NRXN1: variants seen among roughly 807,000 people sequenced by gnomAD.
NRXN1 encodes neurexin 1.
In NRXN1, 39 loss-of-function variants were observed where a neutral mutation model predicts 150.9. The observed-to-expected ratio is 0.26, with a 90% CI of 0.20 to 0.34. The LOEUF is 0.34. NRXN1 is among the 10% of genes least tolerant of loss of function. NRXN1 has a pLI of 1.00. For missense variants in NRXN1, 1,815 were observed against 1,949.9 expected (o/e 0.93, Z 1.30); for synonymous variants, 924 against 757.0 (o/e 1.22, Z -3.62).
chr2:50,095,236 A>G (rs1167126027), intron 18 of NRXN1, among the ~76,000 whole-genome samples: 1 of 152,322 alleles, frequency 6.6e-6, no homozygotes, highest in East Asian at 1.9e-4. Flanking sequence ...TTACTATCCA[A>G]GAGGGAGCAA....
chr2:50,897,281 CTG>C (rs1682127846), intron 5 of NRXN1, among the ~76,000 whole-genome samples: 1 of 152,196 alleles, frequency 6.6e-6, no homozygotes, highest in Non-Finnish European at 1.5e-5. Flanking sequence ...CGTACTGTGA[CTG>C]GCATAGAGAA....
chr2:50,533,238 T>G (rs1167569836), intron 10 of NRXN1, among the ~76,000 whole-genome samples: 1 of 152,082 alleles, frequency 6.6e-6, no homozygotes. Context: ...ATATGCTCAC[T>G]CCTCTAATAT....
chr2:50,760,765 G>C (rs1574383185), intron 5 of NRXN1, among the ~76,000 whole-genome samples: 1 of 151,872 alleles, frequency 6.6e-6, no homozygotes, highest in South Asian at 2.1e-4. Context: ...GGTGTGTCTT[G>C]ATGGGAACAT....
intron 5 of NRXN1, among the ~76,000 whole-genome samples, chr2:50,668,208 A>T (rs1029492181): frequency 5.9e-5 from 9 of 151,954 alleles, no homozygotes; most frequent in Admixed American, 3.3e-4. Context: ...ATTTTCACAG[A>T]TCATACACTA....
At chr2:50,612,956 T>C (rs1292291246) in intron 8 of NRXN1, among the ~76,000 whole-genome samples, 2 of 152,214 alleles carry the variant, frequency 1.3e-5, no homozygotes, top group Non-Finnish European at 2.9e-5. Flanking sequence ...GTACTGACAC[T>C]ATTACAGTAG....
chr2:50,635,831 G>C (rs745772697), intron 5 of NRXN1, among the ~76,000 whole-genome samples: 1 of 152,154 alleles, frequency 6.6e-6, no homozygotes, highest in Non-Finnish European at 1.5e-5. Flanking sequence ...AGTAAATGCT[G>C]AGGAAGGTTA....
At position 49,968,658 on chromosome 2, in the gene NRXN1, A is replaced by C. The variant is rs116682644; in HGVS notation, c.4129-24867T>G. On this transcript the variant is annotated intron_variant, in intron 21 of 22. Transcript: ENST00000401669. The stretch of plus-strand genomic sequence containing the variant: ...CGTGACTGGATAACTAGTGCTGCTC[A>C]AACACAGGAAACATACAGCGAAATA... 3.9e-3 allele frequency among the ~76,000 whole-genome samples: 588 copies of C among 152,212 alleles called. 4 individuals are homozygous for C. The highest frequency in any genetic ancestry group is 0.014 in the African/African-American group (561 of 41,552).
chr2:50,071,141 T>C (rs986484700), intron 19 of NRXN1, among the ~76,000 whole-genome samples: 1 of 152,228 alleles, frequency 6.6e-6, no homozygotes, highest in Non-Finnish European at 1.5e-5. Context: ...CTGTGTCATA[T>C]ACAAGAAGAA....
At chr2:50,921,050 A>C in intron 5 of NRXN1, among the ~76,000 whole-genome samples, 1 of 151,772 alleles carries the variant, frequency 6.6e-6, no homozygotes, top group East Asian at 1.9e-4. Flanking sequence ...CATTTAAACT[A>C]ATAATAATAA....
intron 9 of NRXN1, among the ~76,000 whole-genome samples, chr2:50,549,076 C>T (rs532316012): frequency 4.6e-5 from 7 of 152,024 alleles, no homozygotes; most frequent in Admixed American, 4.6e-4. Context: ...TCATATAGCC[C>T]CTGAATATAA....
At chr2:49,947,742 G>C (rs567379300) in intron 21 of NRXN1, among the ~76,000 whole-genome samples, 3 of 151,570 alleles carry the variant, frequency 2.0e-5, no homozygotes, top group Admixed American at 6.6e-5. Context: ...CCAAAGTTGA[G>C]AACCCCTGCT....
At chr2:50,503,561 A>G (rs1376482692) in intron 13 of NRXN1, among the ~76,000 whole-genome samples, 1 of 38,766 alleles carries the variant, frequency 2.6e-5, no homozygotes, top group Non-Finnish European at 5.1e-5. Flanking sequence ...AATGAAAAGA[A>G]AGAAAAATTA....
chr2:50,454,831 T>C (rs2087378708), intron 17 of NRXN1, among the ~76,000 whole-genome samples: 1 of 152,070 alleles, frequency 6.6e-6, no homozygotes, highest in Non-Finnish European at 1.5e-5. Context: ...TAAAGACTTA[T>C]ACACATAAAA....
chr2:50,037,753 G>T (rs576592963), intron 21 of NRXN1, among the ~76,000 whole-genome samples: 6 of 152,086 alleles, frequency 3.9e-5, no homozygotes, highest in Non-Finnish European at 7.4e-5. Context: ...TGTCAAACTG[G>T]GAAGATTAAA....
At chr2:50,311,566 T>C (rs763834819) in intron 17 of NRXN1, among the ~76,000 whole-genome samples, 3 of 152,146 alleles carry the variant, frequency 2.0e-5, no homozygotes, top group Non-Finnish European at 2.9e-5. Flanking sequence ...GTAGGTGGAA[T>C]GTATAATACA....
At chr2:50,125,854 T>C (rs1704512207) in intron 18 of NRXN1, among the ~76,000 whole-genome samples, 1 of 152,230 alleles carries the variant, frequency 6.6e-6, no homozygotes, top group East Asian at 1.9e-4. Flanking sequence ...GGTTGCCTTT[T>C]TGCAGGAGTT....
At position 50,522,719 on chromosome 2, in the gene NRXN1, CATTTTTT is replaced by C. The variant is rs1415016836; in HGVS notation, c.2374+5899_2374+5905del. On this transcript the variant is annotated intron_variant, in intron 12 of 22. Transcript: ENST00000401669. Reference sequence around the variant, plus strand: ...TTCCATTTATTCATTTATTTTTATTCATTTTTTTTTTTTTTTTTTTTTTTTTTTTTTG... The same window carrying C: ...TTCCATTTATTCATTTATTTTTATTCTTTTTTTTTTTTTTTTTTTTTTTTG... Among the ~76,000 whole-genome samples, 323 of 86,532 alleles carry C rather than the reference CATTTTTT, an allele frequency of 3.7e-3. 47 individuals are homozygous for C. Among genetic ancestry groups the C allele is most frequent in the South Asian group, 0.026 (66 of 2,532 alleles). The allele number at this position is 86,532 out of a possible 152,430, so 56.8% of individuals were successfully genotyped here.
chr2:50,456,563 G>A (rs115730082), intron 17 of NRXN1, among the ~76,000 whole-genome samples: 3,905 of 152,162 alleles, frequency 0.026, 108 homozygotes, highest in African/African-American at 0.07. Context: ...GGAAGCAAAA[G>A]GGATCCCTGG....
intron 21 of NRXN1, among the ~76,000 whole-genome samples, chr2:49,966,051 A>G (rs561893424): frequency 3.9e-5 from 6 of 152,336 alleles, no homozygotes; most frequent in African/African-American, 1.2e-4. Flanking sequence ...ATATGGTAAT[A>G]AATATTTTCA....
Sources: allele counts gnomAD v4.1 joint callset (sites outside exome capture counted in the v4.1 genomes callset), GRCh38; gene constraint gnomAD v4.1.1; transcripts MANE v1.5; gene names NCBI Gene and HGNC (gene_info 2026-07-23, HGNC 2026-07-21).